Variants in PRKN observed in about 807,000 individuals in gnomAD.
PRKN encodes parkin RBR E3 ubiquitin protein ligase.
PRKN carries 56 observed loss-of-function variants against 59.5 expected under a neutral mutation model. That is an observed-to-expected ratio of 0.94 (90% CI 0.76 to 1.18). PRKN has a LOEUF of 1.18. Among genes scored for constraint, PRKN ranks in the 50% most tolerant of loss-of-function variants. PRKN has a pLI of 0.00. For synonymous variants in PRKN, 250 were observed against 222.1 expected (o/e 1.13, Z -1.12); for missense variants, 657 against 596.4 (o/e 1.10, Z -1.06).
chr6:161,658,823 T>G (rs1362767709), intron 7 of PRKN, among the ~76,000 whole-genome samples: 1 of 152,236 alleles, frequency 6.6e-6, no homozygotes, highest in African/African-American at 2.4e-5. Flanking sequence ...GTTATTACAA[T>G]GGGCTTGATT....
Position 161,480,826 on chromosome 6 carries a change from C to T in PRKN, c.1083+68028G>A, listed in dbSNP as rs576083494. Among the ~76,000 whole-genome samples, 3 of 152,366 alleles carry T rather than the reference C, an allele frequency of 2.0e-5. No individual in the cohort carries two copies. Among genetic ancestry groups the T allele is most frequent in the African/African-American group, 7.2e-5 (3 of 41,580 alleles). On this transcript the variant is annotated intron_variant, in intron 9 of 11. Transcript: ENST00000366898. This position sits in a 1 kb window ranked among gnomAD's most constrained non-coding sequence, Gnocchi z 4.1. Reference sequence around the variant, plus strand: ...TATCAATAAAGAAAAGCAGGCACCGCTTTTAATTTCATTGCTATAACTAAT... The same window carrying T: ...TATCAATAAAGAAAAGCAGGCACCGTTTTTAATTTCATTGCTATAACTAAT...
chr6:162,539,575 C>T (rs904332177), intron 1 of PRKN, among the ~76,000 whole-genome samples: 5 of 152,268 alleles, frequency 3.3e-5, no homozygotes, highest in African/African-American at 9.6e-5. Context: ...CTTTGTTTTA[C>T]ACTCATATTC....
At chr6:161,832,252 C>T (rs1415961387) in intron 6 of PRKN, among the ~76,000 whole-genome samples, 1 of 152,150 alleles carries the variant, frequency 6.6e-6, no homozygotes, top group Non-Finnish European at 1.5e-5. Context: ...CATAGAACCA[C>T]GTATTTTGAA....
chr6:161,751,162 AC>A (rs1788677338), intron 7 of PRKN, among the ~76,000 whole-genome samples: 1 of 152,202 alleles, frequency 6.6e-6, no homozygotes, highest in African/African-American at 2.4e-5. Flanking sequence ...GATTTAGAAT[AC>A]CTGTCATTTA....
intron 1 of PRKN, among the ~76,000 whole-genome samples, chr6:162,722,929 G>A (rs989184779): frequency 3.9e-5 from 6 of 152,092 alleles, no homozygotes; most frequent in African/African-American, 1.4e-4. Context: ...CTTTAGTAGA[G>A]CCTATTTTTG....
chr6:162,066,592 C>T (rs1562492706), intron 4 of PRKN, among the ~76,000 whole-genome samples: 1 of 152,134 alleles, frequency 6.6e-6, no homozygotes, highest in Non-Finnish European at 1.5e-5. Context: ...TCTCTTTCTA[C>T]TGCTCTTCGA....
chr6:161,519,682 T>C (rs1293377471), intron 9 of PRKN, among the ~76,000 whole-genome samples: 1 of 152,226 alleles, frequency 6.6e-6, no homozygotes, highest in Non-Finnish European at 1.5e-5. Flanking sequence ...CAATTTTACA[T>C]AAGGTTAGTC....
chr6:161,829,389 G>A (rs529248054), intron 6 of PRKN, among the ~76,000 whole-genome samples: 10 of 152,278 alleles, frequency 6.6e-5, no homozygotes, highest in African/African-American at 2.2e-4. Context: ...ATTGTGTTTC[G>A]TGACAGTTTT....
chr6:162,128,975 G>C (rs1227290131), intron 4 of PRKN, among the ~76,000 whole-genome samples: 2 of 152,156 alleles, frequency 1.3e-5, no homozygotes, highest in Non-Finnish European at 1.5e-5. Context: ...AGCAGTCTGA[G>C]GTGACTAACA....
intron 7 of PRKN, among the ~76,000 whole-genome samples, chr6:161,708,256 G>T (rs371390479): frequency 2.0e-5 from 3 of 152,060 alleles, no homozygotes; most frequent in East Asian, 1.9e-4. Context: ...AAAAATGACT[G>T]TCTGATGGTT....
chr6:162,359,170 C>G (rs1339508242), intron 2 of PRKN, among the ~76,000 whole-genome samples: 1 of 151,068 alleles, frequency 6.6e-6, no homozygotes, highest in South Asian at 2.1e-4. Flanking sequence ...CCCATCAGCC[C>G]CATAGGAACA....
rs910316287 is a variant in PRKN at position 161,461,390 on chromosome 6, T to C, written c.1084-74513A>G. On this transcript the variant is annotated intron_variant, in intron 9 of 11. Coordinates refer to ENST00000366898, the MANE Select transcript of PRKN (RefSeq NM_004562.3). The surrounding 1 kb of genome is among the most constrained non-coding windows in gnomAD (Gnocchi z 5.1). ...TAGATGGTCTTAAGGAGCTGAGGTTTTTAAGCTCTAGGGAATCACTTTATG... is the reference window on the plus strand; with the variant it reads ...TAGATGGTCTTAAGGAGCTGAGGTTCTTAAGCTCTAGGGAATCACTTTATG... Among the ~76,000 whole-genome samples the C allele has an allele frequency of 7.9e-5, 12 of 152,174 alleles. No individual in the cohort carries two copies. The highest frequency in any genetic ancestry group is 1.5e-5 in the Non-Finnish European group (1 of 68,042).
At chr6:161,563,117 T>C (rs1212786313) in intron 8 of PRKN, among the ~76,000 whole-genome samples, 2 of 152,072 alleles carry the variant, frequency 1.3e-5, no homozygotes, top group African/African-American at 4.8e-5. Flanking sequence ...CCCATAATGC[T>C]AGCTCCTTCA....
intron 6 of PRKN, among the ~76,000 whole-genome samples, chr6:161,826,794 G>A (rs1160573184): frequency 6.6e-6 from 1 of 152,214 alleles, no homozygotes; most frequent in East Asian, 1.9e-4. Flanking sequence ...TGTAGGAACG[G>A]ACACGCTGAG....
chr6:162,517,677 C>G (rs932858863), intron 1 of PRKN, among the ~76,000 whole-genome samples: 1 of 152,034 alleles, frequency 6.6e-6, no homozygotes, highest in African/African-American at 2.4e-5. Flanking sequence ...AGTTCAAGAG[C>G]CTGGCAAGCA....
intron 7 of PRKN, among the ~76,000 whole-genome samples, chr6:161,772,377 A>G (rs956831598): frequency 3.4e-4 from 52 of 152,236 alleles, no homozygotes; most frequent in African/African-American, 1.2e-3. Context: ...GTGTTGCTCA[A>G]TGTGTCTCTA....
intron 9 of PRKN, among the ~76,000 whole-genome samples, chr6:161,500,017 C>T (rs947446551): frequency 4.6e-5 from 7 of 152,072 alleles, no homozygotes; most frequent in African/African-American, 1.7e-4. Context: ...TGCCAAAAGT[C>T]CTTCGGCCAT....
At chr6:161,893,424 C>G (rs1202982959) in intron 6 of PRKN, among the ~76,000 whole-genome samples, 5 of 152,094 alleles carry the variant, frequency 3.3e-5, no homozygotes, top group Admixed American at 3.3e-4. Flanking sequence ...ACAAAGTATC[C>G]TATAGATGCC....
chr6:161,633,329 A>T (rs1783386113), intron 7 of PRKN, among the ~76,000 whole-genome samples: 1 of 152,146 alleles, frequency 6.6e-6, no homozygotes, highest in South Asian at 2.1e-4. Context: ...ATTCCTTCCA[A>T]TTGAGGATGT....
Sources: allele counts gnomAD v4.1 joint callset (sites outside exome capture counted in the v4.1 genomes callset), GRCh38; gene constraint gnomAD v4.1.1; non-coding constraint Gnocchi (gnomAD v3.1); transcripts MANE v1.5; gene names NCBI Gene and HGNC (gene_info 2026-07-23, HGNC 2026-07-21).